The following SMAD4 variants were observed in gnomAD, a reference collection of about 807,000 sequenced individuals.
SMAD4 encodes the protein MAD homolog 4.
In SMAD4, 7 loss-of-function variants were observed where a neutral mutation model predicts 63.2. The observed-to-expected ratio is 0.11, with a 90% confidence interval of 0.06 to 0.21. The LOEUF is 0.21. Among genes scored for constraint, SMAD4 ranks in the 10% least tolerant of loss-of-function variants. The probability of loss-of-function intolerance (pLI) is 1.00; values close to 1 mark genes in which losing one functional copy is unlikely to be tolerated. For synonymous variants in SMAD4, 215 were observed against 235.4 expected (o/e 0.91, Z 0.79); for missense variants, 312 against 693.8 (o/e 0.45, Z 6.18).
chr18:51,059,858 T>G lies in SMAD4; in HGVS notation c.905-8T>G, dbSNP rs1249416688. The G allele has an allele frequency of 1.9e-6, 3 of 1,608,850 alleles. No individual in the cohort carries two copies. The highest frequency in any genetic ancestry group is 1.7e-6 in the Non-Finnish European group (2 of 1,176,126). ...ATAAAAATGGAATTTTTGTTGTCTT[T>G]TCTTTAGGGCCTGTTCACAATGAGC... On this transcript the variant is annotated splice_polypyrimidine_tract_variant and splice_region_variant and intron_variant, in intron 7 of 11. Transcript: ENST00000342988.
rs9797433 is a variant in SMAD4 at position 51,060,923 on chromosome 18, G to A, written c.955+1007G>A. On this transcript the variant is annotated intron_variant, in intron 8 of 11. Coordinates refer to ENST00000342988, the MANE Select transcript of SMAD4 (RefSeq NM_005359.6). The stretch of plus-strand genomic sequence containing the variant: ...TTTATTTATTTATTTATTTTTTTCC[G>A]AGATGGGATCTCGCTATGTTGTCCA... 3.6e-3 allele frequency among the ~76,000 whole-genome samples: 541 copies of A among 151,582 alleles called. 6 individuals carry two copies. In the East Asian group the frequency reaches 0.043, roughly 12 times the overall value.
intron 10 of SMAD4, among the ~76,000 whole-genome samples, 178 bp from the exon 11 acceptor site, chr18:51,076,460 C>T (rs752424834): frequency 6.6e-6 from 1 of 152,178 alleles, no homozygotes; most frequent in Non-Finnish European, 1.5e-5. Context: ...AGCTCCAAGC[C>T]ACCTTTCCTA....
In SMAD4 at chr18:51,030,443, G is replaced by A. The variant is rs1226366316; in HGVS notation, c.-308G>A. 1 of 150,872 alleles carries A rather than the reference G, an allele frequency of 6.6e-6. No individual in the cohort carries two copies. Among genetic ancestry groups the A allele is most frequent in the African/African-American group, 2.4e-5 (1 of 41,198 alleles). 9.3% of individuals were successfully genotyped at this position (150,872 alleles called of 1,614,324 possible). A position where few individuals can be genotyped will look rare whatever the true frequency, so the allele number is the denominator to read the frequency against. On this transcript the variant is annotated 5_prime_UTR_variant, in exon 1 of 12. Transcript: ENST00000342988. ...CCCCCCGCCGCAGGGCGGCCCGGGA[G>A]CTCGAGGCGGTCCGGCCCGCGCGGG... is the stretch of plus-strand genomic sequence containing the variant.
At chr18:51,077,580 A>T (rs1910502402) in intron 11 of SMAD4, among the ~76,000 whole-genome samples, 1 of 152,132 alleles carries the variant, frequency 6.6e-6, no homozygotes, top group Non-Finnish European at 1.5e-5. Context: ...CTCCATTGTG[A>T]CTTATGTTCA....
chr18:51,051,527 G>A (rs1214830543), intron 4 of SMAD4: 7 of 403,602 alleles, frequency 1.7e-5, no homozygotes, highest in African/African-American at 1.5e-4. Flanking sequence ...TGACCACGTT[G>A]ACCTGTGTAT....
At chr18:51,051,621 G>T (rs1005573255) in intron 4 of SMAD4, among the ~76,000 whole-genome samples, 21 of 152,210 alleles carry the variant, frequency 1.4e-4, no homozygotes, top group African/African-American at 5.1e-4. Flanking sequence ...GGTATGTTTT[G>T]TCTACTCAAG....
intron 1 of SMAD4, among the ~76,000 whole-genome samples, chr18:51,042,977 A>G (rs759566766): frequency 2.6e-5 from 4 of 152,212 alleles, no homozygotes; most frequent in African/African-American, 4.8e-5. Flanking sequence ...ATTTGTAATG[A>G]TTCTGTATAT....
chr18:51,050,116 G>C (rs1003233388), intron 4 of SMAD4, among the ~76,000 whole-genome samples: 2 of 152,142 alleles, frequency 1.3e-5, no homozygotes, highest in African/African-American at 4.8e-5. Context: ...CCAGTACTTT[G>C]GGAGGCTTAA....
Position 51,068,769 on chromosome 18 carries a change from A to G in SMAD4, c.1308+1582A>G, listed in dbSNP as rs189459842. 2.0e-5 allele frequency among the ~76,000 whole-genome samples: 3 copies of G among 152,110 alleles called. No homozygotes were observed. The East Asian group carries it at 5.8e-4, about 30-fold the overall frequency. ...CCCCCATCTCTACAAAAAAATTAAA[A>G]AATTAGCTGGGTGTGGTGGTGCATG... On this transcript the variant is annotated intron_variant, in intron 10 of 11. Coordinates refer to ENST00000342988, the MANE Select transcript of SMAD4 (RefSeq NM_005359.6).
chr18:51,073,539 C>CT (rs1001338770), intron 10 of SMAD4, among the ~76,000 whole-genome samples: 19 of 149,540 alleles, frequency 1.3e-4, no homozygotes, highest in African/African-American at 4.4e-4. Flanking sequence ...AAAGTGAGAA[C>CT]TTTTTTTTTG....
intron 1 of SMAD4, among the ~76,000 whole-genome samples, chr18:51,033,736 G>C (rs1909119078): frequency 6.6e-6 from 1 of 152,144 alleles, no homozygotes; most frequent in South Asian, 2.1e-4. Flanking sequence ...TTTGGTAATG[G>C]GAAATTTGAC....
At chr18:51,032,166 GCTT>G (rs1909070629) in intron 1 of SMAD4, among the ~76,000 whole-genome samples, 1 of 152,170 alleles carries the variant, frequency 6.6e-6, no homozygotes, top group Non-Finnish European at 1.5e-5. Flanking sequence ...AAAACTAAAA[GCTT>G]CTTTTGATAA....
chr18:51,072,219 G>A lies in SMAD4; in HGVS notation c.1309-4419G>A, dbSNP rs12326882. 2.4e-3 allele frequency among the ~76,000 whole-genome samples: 362 copies of A among 152,312 alleles called. 2 individuals are homozygous for A. Among genetic ancestry groups the A allele is most frequent in the African/African-American group, 8.2e-3 (343 of 41,584 alleles). ...CACTTTACATTCTCACTAGCAGGGTGTGAGGGTTCCAATTTCTCTACATTC... is the reference window on the plus strand; with the variant it reads ...CACTTTACATTCTCACTAGCAGGGTATGAGGGTTCCAATTTCTCTACATTC... On this transcript the variant is annotated intron_variant, in intron 10 of 11. Coordinates refer to ENST00000342988, the MANE Select transcript of SMAD4 (RefSeq NM_005359.6).
In SMAD4 at chr18:51,080,299, T is replaced by C. The variant is rs190742750; in HGVS notation, c.*1832T>C. ...ATGACTTTTGTCTTTAAATAACTTATCTACCACCTCATTTGTACTCTTGAT... is the reference window on the plus strand; with the variant it reads ...ATGACTTTTGTCTTTAAATAACTTACCTACCACCTCATTTGTACTCTTGAT... On this transcript the variant is annotated 3_prime_UTR_variant, in exon 12 of 12. Transcript: ENST00000342988. The C allele has an allele frequency of 6.0e-5, 14 of 232,188 alleles. No individual in the cohort carries two copies. The highest frequency in any genetic ancestry group is 5.6e-4 in the Admixed American group (10 of 17,774). 14.4% of individuals were successfully genotyped at this position (232,188 alleles called of 1,614,324 possible).
rs35325456 is a variant in SMAD4 at position 51,046,437 on chromosome 18, G to GTT, written c.-127-469_-127-468dup. Among the ~76,000 whole-genome samples, 614 of 141,072 alleles carry GTT rather than the reference G, an allele frequency of 4.4e-3. 2 individuals are homozygous for GTT. The highest frequency in any genetic ancestry group is 0.022 in the Middle Eastern group (6 of 272). The allele number at this position is 141,072 out of a possible 152,430, so 92.5% of individuals were successfully genotyped here. A position where few individuals can be genotyped will look rare whatever the true frequency, so the allele number is the denominator to read the frequency against. ...TCCTTTTGTTCATTTCTAAATTGGG[G>GTT]TTTTTTTTTTTTTTTAATTGGTCTC... On this transcript the variant is annotated intron_variant, in intron 1 of 11. Coordinates refer to ENST00000342988, the MANE Select transcript of SMAD4 (RefSeq NM_005359.6).
chr18:51,037,546 C>T (rs185010040), intron 1 of SMAD4, among the ~76,000 whole-genome samples: 2 of 152,286 alleles, frequency 1.3e-5, no homozygotes, highest in African/African-American at 2.4e-5. Context: ...ACTTAATAAT[C>T]CCCTTGCTGC....
At position 51,082,912 on chromosome 18, in the gene SMAD4, CA is replaced by C. The variant is rs1910643730; in HGVS notation, c.*4447del. The C allele has an allele frequency of 4.4e-6, 1 of 226,060 alleles. No individual in the cohort carries two copies. The highest frequency in any genetic ancestry group is 1.8e-4 in the South Asian group (1 of 5,460). 14.0% of individuals were successfully genotyped at this position (226,060 alleles called of 1,614,324 possible). A position where few individuals can be genotyped will look rare whatever the true frequency, so the allele number is the denominator to read the frequency against. On this transcript the variant is annotated 3_prime_UTR_variant, in exon 12 of 12. Coordinates refer to ENST00000342988, the MANE Select transcript of SMAD4 (RefSeq NM_005359.6). ...ACTTACTAGAACGTTCTTTAAAACA[CA>C]AGTACAAACTCTGGGACAGGACCCA...
chr18:51,065,087 T>C (rs1910112313), intron 8 of SMAD4, among the ~76,000 whole-genome samples: 1 of 152,234 alleles, frequency 6.6e-6, no homozygotes, highest in South Asian at 2.1e-4. Flanking sequence ...ATTTCTGTTC[T>C]TTAAATTCTC....
rs919099923 is a variant in SMAD4, at chr18:51,038,211, C to T, written c.-128+7588C>T. Among the ~76,000 whole-genome samples the T allele has an allele frequency of 2.7e-5, 4 of 149,600 alleles. No individual in the cohort carries two copies. In the East Asian group the frequency reaches 7.9e-4, roughly 29 times the overall value. The stretch of plus-strand genomic sequence containing the variant: ...GTTCAAGGCTGGATTAAGCTAGGAT[C>T]GCACCACTGCACTCGGGCCTAGGCT... On this transcript the variant is annotated intron_variant, in intron 1 of 11. Transcript: ENST00000342988.
Sources: gnomAD v4.1 joint callset for allele counts (sites outside exome capture counted in the v4.1 genomes callset) on GRCh38, gnomAD v4.1.1 for gene constraint, MANE v1.5 for transcripts, NCBI Gene and HGNC (gene_info 2026-07-23, HGNC 2026-07-21) for gene names.